TBXAS1: variants seen among roughly 807,000 people sequenced by gnomAD.
TBXAS1 encodes thromboxane-A synthase.
TBXAS1 carries 48 observed loss-of-function variants against 60.7 expected under a neutral mutation model. The ratio of observed to expected loss-of-function variants is 0.79; its 90% confidence interval spans 0.63 to 1.01. TBXAS1 has a LOEUF of 1.01. Ranked by LOEUF, TBXAS1 falls within the 50% of genes least tolerant of loss-of-function variation. The pLI, the probability that TBXAS1 is intolerant of heterozygous loss-of-function variation, is 0.00. For missense variants in TBXAS1, 685 were observed against 686.3 expected (o/e 1.00, Z 0.02); for synonymous variants, 287 against 269.7 (o/e 1.06, Z -0.63).
intron 3 of TBXAS1, among the ~76,000 whole-genome samples, chr7:139,878,274 T>C (rs575173471): frequency 1.3e-5 from 2 of 151,842 alleles, no homozygotes; most frequent in East Asian, 1.9e-4. Flanking sequence ...GTGGAGCGAA[T>C]TGGTTTCCTT....
At chr7:139,797,263 C>T (rs1210073755) in intron 4 of TBXAS1, 1 of 152,172 alleles carries the variant, frequency 6.6e-6, no homozygotes, top group Non-Finnish European at 1.5e-5. Flanking sequence ...TTTGGAGCCA[C>T]AGAAAATCAT....
Position 139,850,527 on chromosome 7 carries a change from T to C in TBXAS1, c.89+21048T>C, listed in dbSNP as rs149290314. Among the ~76,000 whole-genome samples, 431 of 152,344 alleles carry C rather than the reference T, an allele frequency of 2.8e-3. 2 individuals carry two copies. Among genetic ancestry groups the C allele is most frequent in the African/African-American group, 9.5e-3 (394 of 41,584 alleles). On this transcript the variant is annotated intron_variant, in intron 1 of 12. Transcript: ENST00000448866. The stretch of plus-strand genomic sequence containing the variant: ...TATTATTTGGGCCTTTTCCAGGGAC[T>C]TCTGTCAGTTCTGATGGTCTTTGCA...
At chr7:139,779,319 A>G (rs528271467) in intron 1 of TBXAS1, among the ~76,000 whole-genome samples, 2 of 152,188 alleles carry the variant, frequency 1.3e-5, no homozygotes, top group East Asian at 1.9e-4. Context: ...GTGGTACATC[A>G]CGACACCTTC....
intron 9 of TBXAS1, among the ~76,000 whole-genome samples, chr7:139,973,966 T>G (rs1463972181): frequency 6.6e-6 from 1 of 152,172 alleles, no homozygotes; most frequent in Non-Finnish European, 1.5e-5. Context: ...AAAGAATCCT[T>G]ATTATAAAGA....
At chr7:139,994,115 C>G (rs920726118) in intron 9 of TBXAS1, among the ~76,000 whole-genome samples, 1 of 151,776 alleles carries the variant, frequency 6.6e-6, no homozygotes, top group Admixed American at 6.6e-5. Flanking sequence ...GATCTGGGCT[C>G]ACTGCAACCT....
At chr7:139,873,431 G>A (rs1015099663) in intron 2 of TBXAS1, among the ~76,000 whole-genome samples, 1 of 152,232 alleles carries the variant, frequency 6.6e-6, no homozygotes, top group Admixed American at 6.5e-5. Context: ...AAGTCCAGGG[G>A]TGAAGCCACG....
chr7:139,876,090 C>T (rs561771350), intron 3 of TBXAS1, among the ~76,000 whole-genome samples: 14 of 152,288 alleles, frequency 9.2e-5, no homozygotes, highest in Admixed American at 1.3e-4. Context: ...GCAACATGAC[C>T]GTGTAATTTA....
At chr7:139,936,119 A>T (rs537670305) in intron 4 of TBXAS1, 72 bp from the exon 5 acceptor site, 1 of 1,417,298 alleles carries the variant, frequency 7.1e-7, no homozygotes, top group East Asian at 2.3e-5. Flanking sequence ...GGTGTTTGTC[A>T]TGGACCTGTA....
intron 1 of TBXAS1, among the ~76,000 whole-genome samples, chr7:139,840,041 G>T (rs1799335497): frequency 6.7e-6 from 1 of 150,230 alleles, no homozygotes; most frequent in African/African-American, 2.4e-5. Flanking sequence ...TTCTGATCAA[G>T]TCTCATTCTA....
intron 3 of TBXAS1, among the ~76,000 whole-genome samples, chr7:139,893,630 C>T (rs1043198177): frequency 2.6e-5 from 4 of 152,178 alleles, no homozygotes; most frequent in Non-Finnish European, 5.9e-5. Flanking sequence ...ATCTGTTCCC[C>T]ATTGAATTAC....
chr7:139,902,293 T>C (rs1804645295), intron 3 of TBXAS1, among the ~76,000 whole-genome samples: 1 of 151,994 alleles, frequency 6.6e-6, no homozygotes, highest in African/African-American at 2.4e-5. Flanking sequence ...CCCTAACCCC[T>C]GGCAACCACT....
rs868426640 is a variant in TBXAS1 at position 139,950,873 on chromosome 7, C to T, written c.451-2495C>T. Reference sequence around the variant, plus strand: ...ACCCCCTCGCCCTCCATCTACGGGACCCCCTCGCCCTCCATCTACAGGACC... The same window carrying T: ...ACCCCCTCGCCCTCCATCTACGGGATCCCCTCGCCCTCCATCTACAGGACC... On this transcript the variant is annotated intron_variant, in intron 5 of 12. Coordinates refer to ENST00000448866, the MANE Select transcript of TBXAS1 (RefSeq NM_001061.7). 2.6e-4 allele frequency among the ~76,000 whole-genome samples: 37 copies of T among 141,570 alleles called. 1 individual carries two copies. The highest frequency in any genetic ancestry group is 9.2e-4 in the African/African-American group (35 of 38,180). 92.9% of individuals were successfully genotyped at this position (141,570 alleles called of 152,430 possible). A position where few individuals can be genotyped will look rare whatever the true frequency, so the allele number is the denominator to read the frequency against.
At chr7:139,992,075 C>T (rs539603136) in intron 9 of TBXAS1, among the ~76,000 whole-genome samples, 5 of 152,208 alleles carry the variant, frequency 3.3e-5, no homozygotes, top group East Asian at 1.9e-4. Context: ...CCTCCCTGTC[C>T]GCTCTAGCAA....
At chr7:139,816,109 C>T (rs1798141181) in intron 4 of TBXAS1, among the ~76,000 whole-genome samples, 1 of 152,152 alleles carries the variant, frequency 6.6e-6, no homozygotes, top group African/African-American at 2.4e-5. Context: ...GGGCTCTTCC[C>T]ACTTTACATG....
intron 5 of TBXAS1, among the ~76,000 whole-genome samples, chr7:139,944,619 G>A (rs1280255893): frequency 6.6e-6 from 1 of 152,174 alleles, no homozygotes; most frequent in East Asian, 1.9e-4. Context: ...TTGTCTGGAG[G>A]AGTCTCCTCT....
intron 5 of TBXAS1, chr7:139,952,748 A>G (rs1304052016): frequency 6.8e-7 from 1 of 1,460,240 alleles, no homozygotes. Context: ...AAACCCAACA[A>G]TTGCCCCATG....
intron 11 of TBXAS1, among the ~76,000 whole-genome samples, chr7:140,016,146 G>A (rs1254509441): frequency 6.6e-6 from 1 of 151,982 alleles, no homozygotes; most frequent in Non-Finnish European, 1.5e-5. Flanking sequence ...GGCTAACACG[G>A]TGAAACCCCA....
rs186420333 is a variant in TBXAS1 at position 140,002,899 on chromosome 7, G to C, written c.1135-4192G>C. Among the ~76,000 whole-genome samples the C allele has an allele frequency of 7.2e-3, 1,099 of 152,116 alleles. 11 individuals are homozygous for C. Among genetic ancestry groups the C allele is most frequent in the Non-Finnish European group, 0.012 (827 of 67,990 alleles). The stretch of plus-strand genomic sequence containing the variant: ...AGCACTTTGGGAGGCCGAGGCAGGC[G>C]GATTGCCTGAGGTCAGGAGTTCGAG... On this transcript the variant is annotated intron_variant, in intron 9 of 12. Transcript: ENST00000448866.
chr7:139,824,997 T>A (rs1240738075), upstream of TBXAS1, among the ~76,000 whole-genome samples: 2 of 151,850 alleles, frequency 1.3e-5, no homozygotes, highest in Non-Finnish European at 2.9e-5. Context: ...GCCTGGCAAA[T>A]TTTTGTATTT....
Sources: gnomAD v4.1 joint callset for allele counts (sites outside exome capture counted in the v4.1 genomes callset) on GRCh38, gnomAD v4.1.1 for gene constraint, MANE v1.5 for transcripts, NCBI Gene and HGNC (gene_info 2026-07-23, HGNC 2026-07-21) for gene names.